NTRK3: variants seen among roughly 807,000 people sequenced by gnomAD.
The protein encoded by NTRK3 is neurotrophic receptor tyrosine kinase 3, also known as NT-3 growth factor receptor.
A neutral mutation model predicts 91.7 loss-of-function variants in NTRK3; 24 were observed. The observed-to-expected ratio is 0.26, with a 90% CI of 0.19 to 0.37. The LOEUF (loss-of-function observed/expected upper bound fraction) is 0.37, where lower values mean the gene tolerates loss of function less well. NTRK3 is among the 10% of genes least tolerant of loss of function. The pLI is 1.00. For synonymous variants in NTRK3, 483 were observed against 404.0 expected, an observed-to-expected ratio of 1.20 and a Z score of -2.34; for missense variants, 880 against 1,068.9, an observed-to-expected ratio of 0.82 and a Z score of 2.46.
At chr15:88,012,623 A>G (rs535102185) in intron 14 of NTRK3, among the ~76,000 whole-genome samples, 1 of 152,366 alleles carries the variant, frequency 6.6e-6, no homozygotes, top group South Asian at 2.1e-4. Context: ...CCTAACACCC[A>G]ATACAGAACC....
intron 14 of NTRK3, among the ~76,000 whole-genome samples, chr15:87,983,802 C>A (rs1017947362): frequency 6.6e-6 from 1 of 152,148 alleles, no homozygotes; most frequent in African/African-American, 2.4e-5. Context: ...CTTGGGGGAA[C>A]AGGGCTCTCA....
At position 87,863,976 on chromosome 15, in the gene NTRK3, C is replaced by CACACACACACACACAT. The variant is rs775097683; in HGVS notation, c.*12958_*12959insATGTGTGTGTGTGTGT. 7.7e-5 allele frequency: 15 copies of CACACACACACACACAT among 194,584 alleles called. No individual in the cohort carries two copies. The East Asian group carries it at 7.7e-4, about 10-fold the overall frequency. 12.1% of individuals were successfully genotyped at this position (194,584 alleles called of 1,614,324 possible). A position where few individuals can be genotyped will look rare whatever the true frequency, so the allele number is the denominator to read the frequency against. ...CTTTAACCCCCCACCAGGCAAAATACACACACACACACACACATACACACA... is the reference window on the plus strand; with the variant it reads ...CTTTAACCCCCCACCAGGCAAAATACACACACACACACACATACACACACACACACACATACACACA... On this transcript the variant is annotated 3_prime_UTR_variant, in exon 19 of 19. Coordinates refer to ENST00000394480, the Ensembl canonical transcript of NTRK3.
chr15:88,197,869 G>A (rs2047966161), intron 3 of NTRK3, among the ~76,000 whole-genome samples: 4 of 152,228 alleles, frequency 2.6e-5, no homozygotes, highest in South Asian at 4.1e-4. Context: ...TTTTGGAAGC[G>A]GTTTGTTATA....
At chr15:88,096,024 T>C (rs1056623040) in intron 13 of NTRK3, among the ~76,000 whole-genome samples, 1 of 152,236 alleles carries the variant, frequency 6.6e-6, no homozygotes, top group African/African-American at 2.4e-5. Flanking sequence ...GAATTATCTT[T>C]CTTCTATTGT....
chr15:88,061,904 CG>C, intron 13 of NTRK3, among the ~76,000 whole-genome samples: 1 of 152,228 alleles, frequency 6.6e-6, no homozygotes, highest in Middle Eastern at 3.4e-3. Flanking sequence ...ATCCATCAAA[CG>C]GGGGTAATAA....
intron 17 of NTRK3, among the ~76,000 whole-genome samples, chr15:87,895,940 G>A (rs1394754686): frequency 6.6e-6 from 1 of 151,984 alleles, no homozygotes; most frequent in Non-Finnish European, 1.5e-5. Context: ...ACCAGAAAAT[G>A]TTTAAATATA....
intron 13 of NTRK3, among the ~76,000 whole-genome samples, chr15:88,063,585 G>A (rs1303153454): frequency 1.3e-5 from 2 of 152,208 alleles, no homozygotes; most frequent in African/African-American, 2.4e-5. Context: ...TGACCCGCCT[G>A]CCTTCTCCTG....
intron 17 of NTRK3, 136 bp from the exon 19 acceptor site, chr15:87,880,564 T>C: frequency 9.5e-7 from 1 of 1,050,332 alleles, no homozygotes; most frequent in Non-Finnish European, 1.4e-6. Context: ...GCAACTTCTA[T>C]CAGAGGTGTG....
At chr15:88,113,311 CTT>C (rs60232101) in intron 13 of NTRK3, among the ~76,000 whole-genome samples, 10 of 111,634 alleles carry the variant, frequency 9.0e-5, no homozygotes, top group African/African-American at 1.8e-4. Context: ...TGATCAATTT[CTT>C]TTTTTTTTTT....
rs576190164 is a variant in NTRK3 at position 88,097,175 on chromosome 15, G to T, written c.1396+29096C>A. Among the ~76,000 whole-genome samples the T allele has an allele frequency of 2.0e-5, 3 of 152,258 alleles. No homozygotes were observed. The South Asian group carries it at 6.2e-4, about 32-fold the overall frequency. On this transcript the variant is annotated intron_variant, in intron 13 of 18. Transcript: ENST00000394480. ...TAGTATTACAATCAATTTCACCTAT[G>T]TCTTTTTATTATTAACATGTCTACT...
chr15:88,035,248 G>A (rs995138551), intron 13 of NTRK3, among the ~76,000 whole-genome samples: 7 of 152,212 alleles, frequency 4.6e-5, no homozygotes, highest in African/African-American at 1.7e-4. Flanking sequence ...AGCCAGGAAG[G>A]CTGAGGTGGA....
At chr15:88,220,002 G>A (rs375306553) in intron 3 of NTRK3, among the ~76,000 whole-genome samples, 2 of 152,124 alleles carry the variant, frequency 1.3e-5, no homozygotes, top group Non-Finnish European at 2.9e-5. Context: ...TGCAGCTATC[G>A]ACTGCCAGGA....
At chr15:88,133,591 G>C (rs1439659382) in intron 10 of NTRK3, among the ~76,000 whole-genome samples, 1 of 152,160 alleles carries the variant, frequency 6.6e-6, no homozygotes, top group African/African-American at 2.4e-5. Flanking sequence ...CAGGCCACAG[G>C]CAGGGCAACG....
chr15:88,220,853 A>C (rs1442259279), intron 3 of NTRK3, among the ~76,000 whole-genome samples: 1 of 152,222 alleles, frequency 6.6e-6, no homozygotes, highest in Non-Finnish European at 1.5e-5. Flanking sequence ...TGATCATGGC[A>C]GAAAGGTCCC....
At chr15:88,177,919 A>C (rs966614251) in intron 5 of NTRK3, among the ~76,000 whole-genome samples, 1 of 152,256 alleles carries the variant, frequency 6.6e-6, no homozygotes. Flanking sequence ...CCTATGAAGT[A>C]GGAACTCTTA....
chr15:87,884,675 G>A (rs951882132), intron 17 of NTRK3, among the ~76,000 whole-genome samples: 8 of 151,624 alleles, frequency 5.3e-5, no homozygotes, highest in Admixed American at 2.0e-4. Context: ...GTTTACCCTA[G>A]AAATGTAAGA....
intron 13 of NTRK3, among the ~76,000 whole-genome samples, chr15:88,056,109 G>A (rs2045651720): frequency 6.7e-6 from 1 of 149,986 alleles, no homozygotes; most frequent in African/African-American, 2.5e-5. Context: ...TAAGCCTCCT[G>A]GAGCTCTCAA....
At chr15:87,987,029 T>C (rs905232298) in intron 14 of NTRK3, among the ~76,000 whole-genome samples, 1 of 152,242 alleles carries the variant, frequency 6.6e-6, no homozygotes, top group African/African-American at 2.4e-5. Flanking sequence ...TTACTCAAAG[T>C]GCAGGCAAGT....
At chr15:88,028,171 G>A (rs1052472667) in intron 14 of NTRK3, among the ~76,000 whole-genome samples, 1 of 151,886 alleles carries the variant, frequency 6.6e-6, no homozygotes, top group Non-Finnish European at 1.5e-5. Context: ...CAGGAAGGGA[G>A]GGAGGGAGGG....
Sources: allele counts gnomAD v4.1 joint callset (sites outside exome capture counted in the v4.1 genomes callset), GRCh38; gene constraint gnomAD v4.1.1; transcripts MANE v1.5; gene names NCBI Gene and HGNC (gene_info 2026-07-23, HGNC 2026-07-21).